Variants in ENTREP2 observed in about 807,000 individuals in gnomAD.
The protein encoded by ENTREP2 is protein ENTREP2.
At chr15:29,636,889 C>T in the ENTREP2 span, among the ~76,000 whole-genome samples, 4 of 152,130 alleles carry the variant, frequency 2.6e-5, no homozygotes, top group Non-Finnish European at 5.9e-5. Flanking sequence ...GACTTATGTT[C>T]CACCAAAAAC....
the ENTREP2 span, among the ~76,000 whole-genome samples, chr15:29,377,823 A>AAT: frequency 2.7e-5 from 3 of 113,018 alleles, no homozygotes; most frequent in African/African-American, 7.8e-5. Flanking sequence ...TCTGTCTCAA[A>AAT]AATAATAATA....
At chr15:29,650,393 G>C in the ENTREP2 span, among the ~76,000 whole-genome samples, 1 of 151,552 alleles carries the variant, frequency 6.6e-6, no homozygotes. Flanking sequence ...AGGAGTTCAA[G>C]ACCAGCCTGG....
chr15:29,555,970 C>T, the ENTREP2 span, among the ~76,000 whole-genome samples: 1 of 152,200 alleles, frequency 6.6e-6, no homozygotes, highest in Non-Finnish European at 1.5e-5. Context: ...AAGGGGAATT[C>T]CTGGCCAGGC....
At chr15:29,313,556 C>G in the ENTREP2 span, among the ~76,000 whole-genome samples, 3 of 145,928 alleles carry the variant, frequency 2.1e-5, no homozygotes, top group Admixed American at 2.0e-4. Context: ...CTGTTTAAAG[C>G]ATGGTTTACT....
chr15:29,196,491 C>T, the ENTREP2 span: 1 of 1,551,712 alleles, frequency 6.4e-7, no homozygotes. Flanking sequence ...CAGCGTCTCC[C>T]CGAGGTTGCT....
the ENTREP2 span, among the ~76,000 whole-genome samples, chr15:29,358,919 A>G: frequency 6.6e-6 from 1 of 152,220 alleles, no homozygotes; most frequent in Non-Finnish European, 1.5e-5. Flanking sequence ...TGTCAGAGAG[A>G]AATTAAAGAA....
At chr15:29,453,957 A>C in the ENTREP2 span, among the ~76,000 whole-genome samples, 1 of 152,176 alleles carries the variant, frequency 6.6e-6, no homozygotes, top group African/African-American at 2.4e-5. Flanking sequence ...GTCTCTTTAC[A>C]TACAAATGAT....
chr15:29,323,985 T>C, the ENTREP2 span, among the ~76,000 whole-genome samples: 1 of 152,126 alleles, frequency 6.6e-6, no homozygotes, highest in East Asian at 1.9e-4. Context: ...AGAAGTGTAA[T>C]TGATATGCTA....
chr15:29,135,042 C>T, the ENTREP2 span, among the ~76,000 whole-genome samples: 4 of 152,036 alleles, frequency 2.6e-5, no homozygotes, highest in Non-Finnish European at 5.9e-5. This position sits in a 1 kb window ranked among gnomAD's most constrained non-coding sequence, Gnocchi z 7.4. Flanking sequence ...CTGGGTGGGC[C>T]TGGATGCTTC....
chr15:29,600,446 C>CATCATCAT, the ENTREP2 span, among the ~76,000 whole-genome samples: 1 of 135,192 alleles, frequency 7.4e-6, no homozygotes, highest in Non-Finnish European at 1.5e-5. Flanking sequence ...CCACCATCAT[C>CATCATCAT]ATCATCATCA....
chr15:29,244,602 C>A, the ENTREP2 span, among the ~76,000 whole-genome samples: 1 of 152,188 alleles, frequency 6.6e-6, no homozygotes, highest in East Asian at 1.9e-4. Context: ...ACGCCTGGAT[C>A]AGGGAAGCAG....
At chr15:29,143,477 T>C in the ENTREP2 span, among the ~76,000 whole-genome samples, 2 of 152,146 alleles carry the variant, frequency 1.3e-5, no homozygotes, top group African/African-American at 4.8e-5. Flanking sequence ...AGGTGCTCCT[T>C]CCTGTGGGAG....
chr15:29,300,851 C>G, the ENTREP2 span, among the ~76,000 whole-genome samples: 1 of 152,186 alleles, frequency 6.6e-6, no homozygotes, highest in African/African-American at 2.4e-5. Context: ...CCTGCCTGGG[C>G]CTCCCAAAGT....
the ENTREP2 span, among the ~76,000 whole-genome samples, chr15:29,439,688 G>A: frequency 6.6e-6 from 1 of 152,170 alleles, no homozygotes; most frequent in Non-Finnish European, 1.5e-5. Context: ...ATCTCCCCCA[G>A]AATATTTATT....
the ENTREP2 span, among the ~76,000 whole-genome samples, chr15:29,457,946 A>G: frequency 6.6e-6 from 1 of 152,204 alleles, no homozygotes; most frequent in East Asian, 1.9e-4. Flanking sequence ...CTCAGCCCAC[A>G]GAGCCCAGGC....
At chr15:29,574,015 G>C in the ENTREP2 span, among the ~76,000 whole-genome samples, 1 of 152,110 alleles carries the variant, frequency 6.6e-6, no homozygotes, top group Non-Finnish European at 1.5e-5. Context: ...AGAAAGGAAA[G>C]AAGAATGAAA....
the ENTREP2 span, among the ~76,000 whole-genome samples, chr15:29,626,677 T>C: frequency 1.6e-4 from 24 of 152,220 alleles, no homozygotes; most frequent in Non-Finnish European, 3.4e-4. Flanking sequence ...TATTTTCTTT[T>C]CTTGCCTTAT....
At chr15:29,556,467 C>A in the ENTREP2 span, among the ~76,000 whole-genome samples, 299 of 152,264 alleles carry the variant, frequency 2.0e-3, no homozygotes, top group Admixed American at 4.6e-3. Context: ...AGGAAAATTT[C>A]TTGTGAAATT....
At chr15:29,247,351 A>T in the ENTREP2 span, among the ~76,000 whole-genome samples, 1 of 152,224 alleles carries the variant, frequency 6.6e-6, no homozygotes, top group Admixed American at 6.5e-5. Flanking sequence ...ATTCTTTCCA[A>T]GTCTTGGCAA....
Sources: gnomAD v4.1 joint callset for allele counts (sites outside exome capture counted in the v4.1 genomes callset) on GRCh38, gnomAD v4.1.1 for gene constraint, Gnocchi (gnomAD v3.1) non-coding constraint, MANE v1.5 for transcripts, NCBI Gene and HGNC (gene_info 2026-07-23, HGNC 2026-07-21) for gene names.